The following CYSLTR2 variants were observed in gnomAD, a reference collection of about 807,000 sequenced individuals.
The protein encoded by CYSLTR2 is G-protein coupled receptor GPCR21.
For synonymous variants in CYSLTR2, 179 were observed against 160.8 expected, an observed-to-expected ratio of 1.11 and a Z score of -0.86; for missense variants, 398 against 411.9, an observed-to-expected ratio of 0.97 and a Z score of 0.29.
intron 1 of CYSLTR2, 47 bp downstream of exon 1, chr13:48,654,064 G>T (rs1952936686): frequency 6.6e-6 from 1 of 152,178 alleles, no homozygotes; most frequent in South Asian, 2.1e-4. Context: ...TGAGCATCAT[G>T]ACTTGATGAT....
chr13:48,674,378 AT>A (rs1337589991), intron 1 of CYSLTR2, among the ~76,000 whole-genome samples: 1 of 152,072 alleles, frequency 6.6e-6, no homozygotes, highest in East Asian at 1.9e-4. Context: ...TAGATCTTCA[AT>A]CTCTGATATC....
At chr13:48,657,784 T>C (rs1056497089) in intron 1 of CYSLTR2, among the ~76,000 whole-genome samples, 23 of 151,170 alleles carry the variant, frequency 1.5e-4, no homozygotes, top group African/African-American at 5.4e-4. Flanking sequence ...GAAGGCATCC[T>C]AGATTCTTTT....
At chr13:48,697,901 T>A (rs1174294842) in intron 4 of CYSLTR2, among the ~76,000 whole-genome samples, 2 of 152,016 alleles carry the variant, frequency 1.3e-5, no homozygotes, top group Non-Finnish European at 2.9e-5. Flanking sequence ...TTTGATCAAG[T>A]GGAAGAAAGG....
chr13:48,685,520 C>A (rs555260184), intron 1 of CYSLTR2, among the ~76,000 whole-genome samples: 2 of 152,080 alleles, frequency 1.3e-5, no homozygotes, highest in African/African-American at 4.8e-5. Flanking sequence ...TTTAAGCTAC[C>A]CTGTTTGTGA....
intron 1 of CYSLTR2, among the ~76,000 whole-genome samples, chr13:48,664,111 T>C (rs1339778670): frequency 1.3e-5 from 2 of 152,138 alleles, no homozygotes; most frequent in Non-Finnish European, 2.9e-5. Context: ...ACTCTATTGA[T>C]GTGATGTATG....
Position 48,707,856 on chromosome 13 carries a change from T to G in CYSLTR2, c.1039T>G (p.Ter347GluextTer5), listed in dbSNP as rs1380455965. Residue 347 changes from the stop codon to glutamate, a stop_lost, in exon 5 of 5, where the codon TAA (stop) becomes GAA (glutamate). Transcript: ENST00000682523. ...SVWLRKETRV* is the reference protein window; with the variant it reads ...SVWLRKETRVE ...GTGGTTGAGAAAGGAAACAAGAGTA[T>G]AAGGAGCTCTTAGATGAGACCTGTT... 2 of 1,519,538 alleles carry G rather than the reference T, an allele frequency of 1.3e-6. No homozygotes were observed. Among genetic ancestry groups the G allele is most frequent in the Non-Finnish European group, 8.8e-7 (1 of 1,135,794 alleles). 94.1% of individuals were successfully genotyped at this position (1,519,538 alleles called of 1,614,324 possible). A position where few individuals can be genotyped will look rare whatever the true frequency, so the allele number is the denominator to read the frequency against.
In CYSLTR2 at chr13:48,707,208, G is replaced by A. The variant is rs202077345; in HGVS notation, c.391G>A (p.Val131Met). The A allele has an allele frequency of 2.3e-5, 37 of 1,614,048 alleles. No homozygotes were observed. The highest frequency in any genetic ancestry group is 1.9e-4 in the African/African-American group (14 of 75,006). ...GTACAGCAGTATTTATTTCCTGACC[G>A]TGCTGAGTGTTGTGCGTTTCCTGGC... ...NMYSSIYFLTVLSVVRFLAMV... is the reference protein window; with the variant it reads ...NMYSSIYFLTMLSVVRFLAMV... The change falls in exon 5 of 5, where the codon GTG (valine) becomes ATG (methionine). Residue 131 changes from valine (V) to methionine (M), a missense_variant. By Grantham distance (21) the Val-to-Met change is conservative (BLOSUM62 1). Transcript: ENST00000682523.
chr13:48,690,614 G>T (rs74856966), intron 1 of CYSLTR2, among the ~76,000 whole-genome samples: 1 of 152,046 alleles, frequency 6.6e-6, no homozygotes, highest in African/African-American at 2.4e-5. Flanking sequence ...CAACTGGATC[G>T]TAATGTATAA....
intron 1 of CYSLTR2, among the ~76,000 whole-genome samples, chr13:48,671,931 G>A (rs890520027): frequency 1.3e-5 from 2 of 151,388 alleles, no homozygotes; most frequent in East Asian, 1.9e-4. Flanking sequence ...TTGGTTCGTA[G>A]GCTATTAATT....
At chr13:48,695,311 CTCTCTCTTTTTCTTTT>C (rs1389699184) in intron 3 of CYSLTR2, among the ~76,000 whole-genome samples, 4 of 140,436 alleles carry the variant, frequency 2.8e-5, no homozygotes, top group Admixed American at 1.4e-4. Context: ...TTCTTTCTTT[CTCTCTCTTTTTCTTTT>C]CTTTCTCTTT....
Position 48,661,675 on chromosome 13 carries a change from T to C in CYSLTR2, c.-266+7658T>C, listed in dbSNP as rs138853150. On this transcript the variant is annotated intron_variant, in intron 1 of 4. Coordinates refer to ENST00000682523, the MANE Select transcript of CYSLTR2 (RefSeq NM_001308476.3). ...TAAGTGGCAGATGTGGCCTGCTACCTTACACCAACTGTCTCCTGTGAACAC... is the reference window on the plus strand; with the variant it reads ...TAAGTGGCAGATGTGGCCTGCTACCCTACACCAACTGTCTCCTGTGAACAC... 5.1e-4 allele frequency among the ~76,000 whole-genome samples: 77 copies of C among 152,328 alleles called. No individual in the cohort carries two copies. The East Asian group carries it at 0.014, about 28-fold the overall frequency.
At chr13:48,703,569 A>G (rs1954405591) in intron 4 of CYSLTR2, among the ~76,000 whole-genome samples, 3 of 152,134 alleles carry the variant, frequency 2.0e-5, no homozygotes, top group Admixed American at 2.0e-4. Flanking sequence ...ATATTAATTG[A>G]TATGATTACT....
Position 48,707,471 on chromosome 13 carries a change from C to A in CYSLTR2, c.654C>A (p.Ser218Arg), listed in dbSNP as rs757281416. Reference protein sequence around the residue: ...VGCLLPFFTLSICYLLIIRVL... With the variant: ...VGCLLPFFTLRICYLLIIRVL... ...GCCTGCTGCCATTTTTCACACTCAGCATCTGTTATCTGCTGATCATTCGGG... is the reference window on the plus strand; with the variant it reads ...GCCTGCTGCCATTTTTCACACTCAGAATCTGTTATCTGCTGATCATTCGGG... The change falls in exon 5 of 5, where the codon AGC becomes AGA. Residue 218 changes from serine (S) to arginine (R), a missense_variant. Coordinates refer to ENST00000682523, the MANE Select transcript of CYSLTR2 (RefSeq NM_001308476.3). The A allele has an allele frequency of 3.7e-6, 6 of 1,613,646 alleles. No homozygotes were observed. In the Admixed American group the frequency reaches 8.3e-5, roughly 22 times the overall value.
At chr13:48,687,349 A>C (rs901595265) in intron 1 of CYSLTR2, among the ~76,000 whole-genome samples, 1 of 151,504 alleles carries the variant, frequency 6.6e-6, no homozygotes, top group African/African-American at 2.4e-5. Flanking sequence ...CTATCTATCT[A>C]TCTATTATCA....
At chr13:48,690,465 G>A (rs939888060) in intron 1 of CYSLTR2, among the ~76,000 whole-genome samples, 1 of 152,058 alleles carries the variant, frequency 6.6e-6, no homozygotes, top group Non-Finnish European at 1.5e-5. Context: ...TAGCATAAAG[G>A]GGTGTTGAAT....
intron 1 of CYSLTR2, among the ~76,000 whole-genome samples, chr13:48,678,812 T>C (rs1953670545): frequency 6.6e-6 from 1 of 152,136 alleles, no homozygotes. Flanking sequence ...ATTTAGTCCA[T>C]CCACAGTCTG....
At chr13:48,684,458 C>G (rs1953845041) in intron 1 of CYSLTR2, among the ~76,000 whole-genome samples, 1 of 151,320 alleles carries the variant, frequency 6.6e-6, no homozygotes, top group African/African-American at 2.4e-5. Flanking sequence ...CTTTTTATAC[C>G]TTATGTGAAT....
intron 4 of CYSLTR2, among the ~76,000 whole-genome samples, chr13:48,697,042 T>A (rs1954209228): frequency 6.6e-6 from 1 of 152,166 alleles, no homozygotes; most frequent in South Asian, 2.1e-4. Flanking sequence ...CCACCACAGC[T>A]CAAGGAGGCC....
intron 4 of CYSLTR2, among the ~76,000 whole-genome samples, chr13:48,702,423 A>T (rs974198464): frequency 3.9e-5 from 6 of 152,242 alleles, no homozygotes; most frequent in African/African-American, 7.2e-5. Flanking sequence ...ATAATAATAA[A>T]AACTTTACAT....
Sources: allele counts gnomAD v4.1 joint callset (sites outside exome capture counted in the v4.1 genomes callset), GRCh38; gene constraint gnomAD v4.1.1; transcripts MANE v1.5; gene names NCBI Gene and HGNC (gene_info 2026-07-23, HGNC 2026-07-21).